MYO5B: variants seen among roughly 807,000 people sequenced by gnomAD.
The protein encoded by MYO5B is myosin VB, also known as unconventional myosin-Vb.
Under a neutral mutation model 229.3 loss-of-function variants are expected in MYO5B, and 143 were observed. The ratio of observed to expected loss-of-function variants is 0.62; its 90% confidence interval spans 0.54 to 0.72. The LOEUF (loss-of-function observed/expected upper bound fraction) is 0.72. Ranked by LOEUF, MYO5B falls within the 30% of genes least tolerant of loss-of-function variation. The probability of loss-of-function intolerance (pLI) is 0.00; values close to 1 mark genes in which losing one functional copy is unlikely to be tolerated. For missense variants in MYO5B, 2,321 were observed against 2,331.0 expected, an observed-to-expected ratio of 1.00 and a Z score of 0.09; for synonymous variants, 918 against 885.2, an observed-to-expected ratio of 1.04 and a Z score of -0.66.
Position 49,957,672 on chromosome 18 carries a change from CA to C in MYO5B, c.1546-3238del, listed in dbSNP as rs1310685844. ...CAAAACAAAACAAAACAAAACAAAA[CA>C]AAAAAAGCCAAAAAAAAAAAAAAAA... On this transcript the variant is annotated intron_variant, in intron 12 of 39. Transcript: ENST00000285039. Among the ~76,000 whole-genome samples, 15 of 106,324 alleles carry C rather than the reference CA, an allele frequency of 1.4e-4. No homozygotes were observed. In the Admixed American group the frequency reaches 1.4e-3, roughly 10 times the overall value. 69.8% of individuals were successfully genotyped at this position (106,324 alleles called of 152,430 possible).
intron 4 of MYO5B, among the ~76,000 whole-genome samples, chr18:50,003,127 T>C (rs563070530): frequency 2.0e-5 from 3 of 152,210 alleles, no homozygotes; most frequent in African/African-American, 7.2e-5. Flanking sequence ...GTAGCTGAGA[T>C]GAAAAAATCC....
chr18:50,028,150 T>C (rs62098886), intron 4 of MYO5B, among the ~76,000 whole-genome samples: 15 of 152,222 alleles, frequency 9.9e-5, no homozygotes, highest in Non-Finnish European at 1.0e-4. Context: ...ATTTAATGTG[T>C]GTGACTTCAC....
chr18:49,992,125 G>A (rs2025939787), intron 6 of MYO5B, among the ~76,000 whole-genome samples, 163 bp downstream of exon 6: 1 of 152,182 alleles, frequency 6.6e-6, no homozygotes, highest in Non-Finnish European at 1.5e-5. Context: ...TATACCATCT[G>A]AATGAACACT....
intron 10 of MYO5B, 35 bp from the exon 11 acceptor site, chr18:49,963,065 C>T (rs2025579234): frequency 1.9e-6 from 3 of 1,569,288 alleles, no homozygotes; most frequent in Non-Finnish European, 2.6e-6. Context: ...GAGACGTCTC[C>T]TTTCAACAAA....
At chr18:50,086,309 T>C (rs76409902) in intron 1 of MYO5B, among the ~76,000 whole-genome samples, 16,111 of 152,234 alleles carry the variant, frequency 0.11, 1,660 homozygotes, top group African/African-American at 0.27. Context: ...CTCATATCTA[T>C]GTCTGTGTAC....
At chr18:49,898,618 C>T (rs1376574720) in intron 21 of MYO5B, among the ~76,000 whole-genome samples, 3 of 152,154 alleles carry the variant, frequency 2.0e-5, no homozygotes, top group Non-Finnish European at 4.4e-5. Flanking sequence ...TGGCTTGTCA[C>T]GTCACAGATT....
chr18:49,972,184 C>T (rs1177083245), intron 10 of MYO5B, among the ~76,000 whole-genome samples: 2 of 152,204 alleles, frequency 1.3e-5, no homozygotes, highest in African/African-American at 2.4e-5. Context: ...TGTTTTCAAA[C>T]CAGACAAGCC....
intron 39 of MYO5B, among the ~76,000 whole-genome samples, chr18:49,831,600 G>A (rs928483148): frequency 1.3e-5 from 2 of 152,114 alleles, no homozygotes; most frequent in African/African-American, 4.8e-5. Flanking sequence ...TTAAAAAGCT[G>A]GAAAATCACA....
chr18:49,912,297 G>A, intron 17 of MYO5B, 124 bp from the exon 18 acceptor site: 1 of 777,270 alleles, frequency 1.3e-6, no homozygotes, highest in Non-Finnish European at 2.3e-6. Flanking sequence ...TCTCAGAGCA[G>A]CAAAGAACAG....
At chr18:50,115,503 G>A (rs1342322783) in intron 1 of MYO5B, among the ~76,000 whole-genome samples, 1 of 150,936 alleles carries the variant, frequency 6.6e-6, no homozygotes, top group Non-Finnish European at 1.5e-5. Flanking sequence ...GAAAGTTGGT[G>A]GCCAGACAAA....
intron 16 of MYO5B, among the ~76,000 whole-genome samples, chr18:49,933,199 G>A (rs773534613): frequency 2.0e-5 from 3 of 152,156 alleles, no homozygotes; most frequent in Non-Finnish European, 2.9e-5. Flanking sequence ...CTGAGACTCC[G>A]AGACCTGGGC....
chr18:49,844,580 G>C (rs889549844), intron 33 of MYO5B, among the ~76,000 whole-genome samples: 1 of 152,190 alleles, frequency 6.6e-6, no homozygotes, highest in South Asian at 2.1e-4. Context: ...CTGCTCCAAC[G>C]CATCCTTCTA....
intron 1 of MYO5B, among the ~76,000 whole-genome samples, chr18:50,062,243 G>T (rs571546446): frequency 1.3e-5 from 2 of 152,136 alleles, no homozygotes; most frequent in Non-Finnish European, 2.9e-5. Flanking sequence ...TTAAGCATCA[G>T]ACAGGCTGAT....
intron 18 of MYO5B, among the ~76,000 whole-genome samples, chr18:49,908,491 G>A (rs2024924467): frequency 6.6e-6 from 1 of 152,198 alleles, no homozygotes; most frequent in Non-Finnish European, 1.5e-5. Flanking sequence ...TGCTCAAGGT[G>A]ACTTGAGCAA....
chr18:50,013,115 C>A (rs1429394509), intron 4 of MYO5B, among the ~76,000 whole-genome samples: 4 of 152,214 alleles, frequency 2.6e-5, no homozygotes, highest in Non-Finnish European at 4.4e-5. Context: ...CATAAGGTTG[C>A]TAAACACATC....
At chr18:50,168,236 C>T (rs1428083854) in intron 1 of MYO5B, among the ~76,000 whole-genome samples, 1 of 152,212 alleles carries the variant, frequency 6.6e-6, no homozygotes, top group African/African-American at 2.4e-5. Flanking sequence ...CCGTCACTGC[C>T]AAAGCACAGC....
chr18:49,826,204 CT>C lies in MYO5B; in HGVS notation c.*266del. ...ACCTTTTATATGTCTATGGGGACTG[CT>C]TGGTGTCTATAAATTATGTATATGT... On this transcript the variant is annotated 3_prime_UTR_variant, in exon 40 of 40. Transcript: ENST00000285039. The C allele has an allele frequency of 2.2e-6, 1 of 453,484 alleles. No individual in the cohort carries two copies. Among genetic ancestry groups the C allele is most frequent in the East Asian group, 4.5e-5 (1 of 22,120 alleles). 28.1% of individuals were successfully genotyped at this position (453,484 alleles called of 1,614,324 possible). A position where few individuals can be genotyped will look rare whatever the true frequency, so the allele number is the denominator to read the frequency against.
intron 14 of MYO5B, among the ~76,000 whole-genome samples, chr18:49,949,312 A>T (rs1464290223): frequency 2.7e-5 from 4 of 149,052 alleles, no homozygotes; most frequent in Admixed American, 2.7e-4. Flanking sequence ...TTTCACAATA[A>T]ATAAAAACTG....
chr18:50,055,225 G>GGGGCCCCCCC, intron 2 of MYO5B, 43 bp downstream of exon 2: 1 of 700,376 alleles, frequency 1.4e-6, no homozygotes, highest in East Asian at 2.7e-5. Context: ...TGAGCTCCCT[G>GGGGCCCCCCC]CCCCACCTCA....
Sources: gnomAD v4.1 joint callset for allele counts (sites outside exome capture counted in the v4.1 genomes callset) on GRCh38, gnomAD v4.1.1 for gene constraint, MANE v1.5 for transcripts, NCBI Gene and HGNC (gene_info 2026-07-23, HGNC 2026-07-21) for gene names.